HFM1: variants seen among roughly 807,000 people sequenced by gnomAD.
HFM1 encodes the protein helicase for meiosis 1.
Under a neutral mutation model 192.1 loss-of-function variants are expected in HFM1, and 169 were observed. The ratio of observed to expected loss-of-function variants is 0.88; its 90% CI spans 0.78 to 1.00. The LOEUF is 1.00. Ranked by LOEUF, HFM1 falls within the 50% of genes least tolerant of loss-of-function variation. The pLI is 0.00. For missense variants in HFM1, 1,661 were observed against 1,668.0 expected, an observed-to-expected ratio of 1.00 and a Z score of 0.07; for synonymous variants, 525 against 537.8, an observed-to-expected ratio of 0.98 and a Z score of 0.33.
At chr1:91,293,856 A>C (rs1487450601) in intron 30 of HFM1, among the ~76,000 whole-genome samples, 1 of 149,738 alleles carries the variant, frequency 6.7e-6, no homozygotes, top group Non-Finnish European at 1.5e-5. Context: ...ACACCATGGA[A>C]TACTATGCAG....
rs2101460823 is a variant in HFM1 at position 91,328,399 on chromosome 1, G to A, written c.2336-3633C>T. On this transcript the variant is annotated intron_variant, in intron 20 of 38. Transcript: ENST00000370425. Reference sequence around the variant, plus strand: ...TGTTGCCATGGGTATTCAAGGCCTGGCCAAACTAATTGCTGATGTGGCCCC... The same window carrying A: ...TGTTGCCATGGGTATTCAAGGCCTGACCAAACTAATTGCTGATGTGGCCCC... 3 of 1,592,228 alleles carry A rather than the reference G, an allele frequency of 1.9e-6. No individual in the cohort carries two copies. The Middle Eastern group carries it at 5.1e-4, about 270-fold the overall frequency.
intron 32 of HFM1, among the ~76,000 whole-genome samples, chr1:91,276,225 A>G (rs940935527): frequency 6.6e-6 from 1 of 152,154 alleles, no homozygotes; most frequent in African/African-American, 2.4e-5. Context: ...TTCTTGGTCC[A>G]TCAAATGTGG....
chr1:91,271,468 A>G (rs994247291), intron 34 of HFM1, among the ~76,000 whole-genome samples: 5 of 152,134 alleles, frequency 3.3e-5, no homozygotes, highest in African/African-American at 1.2e-4. Context: ...TTTATAATAA[A>G]AAAGTCATGA....
intron 2 of HFM1, among the ~76,000 whole-genome samples, chr1:91,396,832 C>T (rs1663720029): frequency 6.6e-6 from 1 of 152,196 alleles, no homozygotes; most frequent in African/African-American, 2.4e-5. Context: ...GAGCTGGGAT[C>T]CCCAACCCCT....
chr1:91,369,725 A>C (rs1659900317), intron 13 of HFM1, among the ~76,000 whole-genome samples: 2 of 152,208 alleles, frequency 1.3e-5, no homozygotes. Context: ...GCAGAAGGCA[A>C]GAAATAACTA....
At position 91,291,848 on chromosome 1, in the gene HFM1, C is replaced by T. The variant is rs1436597315; in HGVS notation, c.3392-14786G>A. On this transcript the variant is annotated intron_variant, in intron 30 of 38. Coordinates refer to ENST00000370425, the MANE Select transcript of HFM1 (RefSeq NM_001017975.6). ...ATCCAGCAGCACATCAAAAAGCTTA[C>T]CCACCATGATCAAGTGGGCTTCATC... Among the ~76,000 whole-genome samples, 23 of 152,050 alleles carry T rather than the reference C, an allele frequency of 1.5e-4. No individual in the cohort carries two copies. In the East Asian group the frequency reaches 2.3e-3, roughly 15 times the overall value.
rs191406965 is a variant in HFM1, at chr1:91,377,917, T to C, written c.1395+108A>G. On this transcript the variant is annotated intron_variant, in intron 11 of 38. Coordinates refer to ENST00000370425, the MANE Select transcript of HFM1 (RefSeq NM_001017975.6). Reference sequence around the variant, plus strand: ...AGCCACAACTTTCTACAACATACTTTCCTATTAAAGGAAAGGACAAAAAAA... The same window carrying C: ...AGCCACAACTTTCTACAACATACTTCCCTATTAAAGGAAAGGACAAAAAAA... The C allele has an allele frequency of 6.2e-5, 59 of 945,030 alleles. No individual in the cohort carries two copies. In the African/African-American group the frequency reaches 9.5e-4, roughly 15 times the overall value. The allele number at this position is 945,030 out of a possible 1,614,324, so 58.5% of individuals were successfully genotyped here.
intron 36 of HFM1, among the ~76,000 whole-genome samples, chr1:91,265,760 C>T (rs1210397321): frequency 1.3e-5 from 2 of 152,134 alleles, no homozygotes; most frequent in African/African-American, 4.8e-5. Context: ...TTCCTGGGCT[C>T]CAGTCCCAGA....
At position 91,281,824 on chromosome 1, in the gene HFM1, G is replaced by A. The variant is rs537761322; in HGVS notation, c.3392-4762C>T. On this transcript the variant is annotated intron_variant, in intron 30 of 38. Transcript: ENST00000370425. ...TCACCGCAGCCTCGAACTCTTGGGCGCACGCACTCCTGCCTTCTCATTCTT... is the reference window on the plus strand; with the variant it reads ...TCACCGCAGCCTCGAACTCTTGGGCACACGCACTCCTGCCTTCTCATTCTT... Among the ~76,000 whole-genome samples, 53 of 152,254 alleles carry A rather than the reference G, an allele frequency of 3.5e-4. 1 individual carries two copies. Among genetic ancestry groups the A allele is most frequent in the African/African-American group, 1.1e-3 (44 of 41,548 alleles).
upstream of HFM1, among the ~76,000 whole-genome samples, chr1:91,406,763 C>T (rs181615197): frequency 1.2e-3 from 179 of 152,328 alleles, no homozygotes; most frequent in African/African-American, 3.3e-3. Context: ...CCTCACTTCT[C>T]AGTGAAACTG....
chr1:91,287,475 TAACA>T (rs1409465037), intron 30 of HFM1, among the ~76,000 whole-genome samples: 3 of 151,514 alleles, frequency 2.0e-5, no homozygotes, highest in Admixed American at 6.6e-5. Context: ...GAAAACTAAC[TAACA>T]AACAGAAAGG....
At chr1:91,283,598 T>C (rs1667659397) in intron 30 of HFM1, among the ~76,000 whole-genome samples, 1 of 152,150 alleles carries the variant, frequency 6.6e-6, no homozygotes. Context: ...GATTCCATAT[T>C]CCATCACTGT....
intron 13 of HFM1, among the ~76,000 whole-genome samples, chr1:91,366,597 C>T (rs1464049119): frequency 6.6e-6 from 1 of 152,172 alleles, no homozygotes; most frequent in Admixed American, 6.6e-5. Context: ...GTTTTTGAAA[C>T]CCCATCTTTG....
At chr1:91,405,990 T>G (rs1476809928), upstream of HFM1, among the ~76,000 whole-genome samples, 1 of 152,174 alleles carries the variant, frequency 6.6e-6, no homozygotes, top group Non-Finnish European at 1.5e-5. Flanking sequence ...GTGTTGAAAT[T>G]CATACATTGA....
rs1410751713 is a variant in HFM1 at position 91,380,187 on chromosome 1, C to T, written c.923G>A (p.Gly308Glu). ...AGCTAGTTCAAACACTACAGTTTTT[C>T]CAGAACCAGTTGGAGCACAAATCAC... is the stretch of plus-strand genomic sequence containing the variant. ...NFVICAPTGSGKTVVFELAIT... is the reference protein window; with the variant it reads ...NFVICAPTGSEKTVVFELAIT... Residue 308 changes from glycine to glutamate, a missense_variant, in exon 8 of 39, where the codon GGA becomes GAA. Transcript: ENST00000370425. 6.3e-7 allele frequency: 1 copy of T among 1,575,046 alleles called. No homozygotes were observed. The highest frequency in any genetic ancestry group is 8.7e-7 in the Non-Finnish European group (1 of 1,153,740).
chr1:91,288,581 C>G lies in HFM1; in HGVS notation c.3392-11519G>C, dbSNP rs867169378. ...TTGAGATTAGGGAGTGGTGATGACTCTTAAGGAGTATGCTGCCTTCAAGCA... is the reference window on the plus strand; with the variant it reads ...TTGAGATTAGGGAGTGGTGATGACTGTTAAGGAGTATGCTGCCTTCAAGCA... On this transcript the variant is annotated intron_variant, in intron 30 of 38. Coordinates refer to ENST00000370425, the MANE Select transcript of HFM1 (RefSeq NM_001017975.6). 6.6e-5 allele frequency among the ~76,000 whole-genome samples: 10 copies of G among 151,998 alleles called. No individual in the cohort carries two copies. In the South Asian group the frequency reaches 2.1e-3, roughly 32 times the overall value.
At chr1:91,290,908 C>T (rs140068042) in intron 30 of HFM1, among the ~76,000 whole-genome samples, 152,120 of 152,304 alleles carry the variant, frequency 1, 75,968 homozygotes, top group Non-Finnish European at 1. Context: ...CATTCAGAAC[C>T]GCTCAACTAC....
At chr1:91,329,619 T>C (rs1653500134) in intron 20 of HFM1, 1 of 838,564 alleles carries the variant, frequency 1.2e-6, no homozygotes, top group African/African-American at 1.7e-5. Context: ...GGAGAGAGCA[T>C]TCTAAGGTTT....
Position 91,396,368 on chromosome 1 carries a change from G to A in HFM1, c.109C>T (p.Pro37Ser). ...DNEKSLDWFL[P>S]PAPLISEIPD... ...ATTTCTGAAATCAATGGAGCAGGAG[G>A]GAGAAACCAATCCAATGACTTTTCA... Residue 37 changes from proline (P) to serine (S), a missense_variant, in exon 3 of 39, where the codon CCT (proline) becomes TCT (serine). Coordinates refer to ENST00000370425, the MANE Select transcript of HFM1 (RefSeq NM_001017975.6). 1 of 1,601,418 alleles carries A rather than the reference G, an allele frequency of 6.2e-7. No individual in the cohort carries two copies. The highest frequency in any genetic ancestry group is 2.2e-5 in the East Asian group (1 of 44,766).
Sources: gnomAD v4.1 joint callset for allele counts (sites outside exome capture counted in the v4.1 genomes callset) on GRCh38, gnomAD v4.1.1 for gene constraint, MANE v1.5 for transcripts, NCBI Gene and HGNC (gene_info 2026-07-23, HGNC 2026-07-21) for gene names.